Variants in PTPRD observed in about 807,000 individuals in gnomAD.
PTPRD encodes the protein receptor-type tyrosine-protein phosphatase delta.
In PTPRD, 34 loss-of-function variants were observed where a neutral mutation model predicts 214.5. That is an observed-to-expected ratio of 0.16 (90% CI 0.12 to 0.21). PTPRD has a LOEUF of 0.21. Among genes scored for constraint, PTPRD ranks in the 10% least tolerant of loss-of-function variants. PTPRD has a pLI of 1.00. For missense variants in PTPRD, 2,545 were observed against 2,398.7 expected (o/e 1.06, Z -1.27); for synonymous variants, 1,128 against 845.7 (o/e 1.33, Z -5.79).
At chr9:8,966,442 CAG>C (rs1486041650) in intron 11 of PTPRD, among the ~76,000 whole-genome samples, 1 of 150,250 alleles carries the variant, frequency 6.7e-6, no homozygotes, top group Non-Finnish European at 1.5e-5. Context: ...CAACAAAAAA[CAG>C]AAATAAAGTC....
At chr9:9,936,193 A>G (rs1263082073) in intron 5 of PTPRD, among the ~76,000 whole-genome samples, 13 of 148,404 alleles carry the variant, frequency 8.8e-5, no homozygotes, top group African/African-American at 3.3e-4. Flanking sequence ...CTAAAACACC[A>G]AAAGCAATGG....
At chr9:8,875,005 GGCTGT>G (rs563477069) in intron 11 of PTPRD, among the ~76,000 whole-genome samples, 6 of 152,178 alleles carry the variant, frequency 3.9e-5, no homozygotes, top group Admixed American at 2.6e-4. Flanking sequence ...AAAAATATAG[GGCTGT>G]GCTCATCAGT....
In PTPRD at chr9:9,824,442, G is replaced by T. The variant is rs12350529; in HGVS notation, c.-367-57591C>A. Among the ~76,000 whole-genome samples, 397 of 152,008 alleles carry T rather than the reference G, an allele frequency of 2.6e-3. 1 individual carries two copies. Among genetic ancestry groups the T allele is most frequent in the African/African-American group, 9.2e-3 (383 of 41,506 alleles). ...ATACCTACCATTCATACTACAATTTGCTTAATGCTTTGTGTGCTTTATTAC... is the reference window on the plus strand; with the variant it reads ...ATACCTACCATTCATACTACAATTTTCTTAATGCTTTGTGTGCTTTATTAC... On this transcript the variant is annotated intron_variant, in intron 5 of 45. Transcript: ENST00000381196.
intron 4 of PTPRD, among the ~76,000 whole-genome samples, chr9:10,014,877 C>T (rs1000777883): frequency 2.6e-5 from 4 of 152,068 alleles, no homozygotes; most frequent in African/African-American, 9.7e-5. Flanking sequence ...AAGAGACTTA[C>T]TGCCCCACTT....
intron 4 of PTPRD, among the ~76,000 whole-genome samples, chr9:9,940,621 A>C (rs2091191232): frequency 6.6e-6 from 1 of 152,186 alleles, no homozygotes; most frequent in South Asian, 2.1e-4. Flanking sequence ...CGCATAGCAT[A>C]CCTGGAGGCT....
At chr9:9,604,044 T>C (rs777029815) in intron 7 of PTPRD, among the ~76,000 whole-genome samples, 5 of 152,118 alleles carry the variant, frequency 3.3e-5, no homozygotes, top group Admixed American at 6.6e-5. Flanking sequence ...AAAAATTTTG[T>C]GGCATTAGTT....
chr9:8,580,103 G>A (rs2092910254), intron 14 of PTPRD, among the ~76,000 whole-genome samples: 2 of 152,126 alleles, frequency 1.3e-5, no homozygotes, highest in Admixed American at 6.6e-5. Context: ...TAACAAATGT[G>A]TCATGATAAT....
At chr9:8,816,383 CT>C (rs1340948591) in intron 11 of PTPRD, among the ~76,000 whole-genome samples, 1 of 152,168 alleles carries the variant, frequency 6.6e-6, no homozygotes, top group Admixed American at 6.5e-5. Flanking sequence ...GCCAAGCACT[CT>C]TTTGATTGTT....
intron 8 of PTPRD, among the ~76,000 whole-genome samples, chr9:9,413,162 C>A (rs938432974): frequency 2.5e-5 from 3 of 120,554 alleles, no homozygotes; most frequent in African/African-American, 9.8e-5. Flanking sequence ...GGCCGGACTG[C>A]GGACTGCAGT....
chr9:9,692,573 T>G (rs566913473), intron 7 of PTPRD, among the ~76,000 whole-genome samples: 1 of 152,212 alleles, frequency 6.6e-6, no homozygotes, highest in East Asian at 1.9e-4. Flanking sequence ...TTTCTTCAGT[T>G]TTGTTCTTTT....
At chr9:8,701,875 T>C (rs2154395773) in intron 12 of PTPRD, among the ~76,000 whole-genome samples, 1 of 152,308 alleles carries the variant, frequency 6.6e-6, no homozygotes, top group South Asian at 2.1e-4. Flanking sequence ...CCTATTTTCA[T>C]ACTTTATTGT....
intron 3 of PTPRD, among the ~76,000 whole-genome samples, chr9:10,246,695 C>G (rs886100651): frequency 1.3e-5 from 2 of 151,698 alleles, no homozygotes; most frequent in East Asian, 1.9e-4. Flanking sequence ...TAGTTTGTGC[C>G]TGGTACTCTT....
At chr9:9,012,642 C>T (rs1199440264) in intron 11 of PTPRD, among the ~76,000 whole-genome samples, 3 of 152,110 alleles carry the variant, frequency 2.0e-5, no homozygotes, top group Admixed American at 6.6e-5. Context: ...GAGAACAAAA[C>T]AGACTTTGAA....
At chr9:9,057,205 G>C (rs1029422751) in intron 10 of PTPRD, among the ~76,000 whole-genome samples, 1 of 152,080 alleles carries the variant, frequency 6.6e-6, no homozygotes, top group Non-Finnish European at 1.5e-5. Context: ...GTAAATCAAT[G>C]AACAAGTTAA....
intron 2 of PTPRD, among the ~76,000 whole-genome samples, chr9:10,392,159 G>A (rs1344008356): frequency 6.6e-6 from 1 of 151,680 alleles, no homozygotes; most frequent in Non-Finnish European, 1.5e-5. Context: ...ACTACATCTG[G>A]CCACAGCTGT....
At chr9:9,016,868 C>CA (rs1248183918) in intron 11 of PTPRD, among the ~76,000 whole-genome samples, 3 of 152,026 alleles carry the variant, frequency 2.0e-5, no homozygotes, top group Non-Finnish European at 2.9e-5. Flanking sequence ...GCAGTATTCT[C>CA]ATTTTAAACA....
intron 3 of PTPRD, among the ~76,000 whole-genome samples, chr9:10,122,446 C>T (rs189066393): frequency 1.3e-5 from 2 of 151,814 alleles, no homozygotes; most frequent in Admixed American, 6.6e-5. Flanking sequence ...AAAGGGCTAC[C>T]GTGGGAAAGT....
At chr9:9,836,335 G>C (rs1186611844) in intron 5 of PTPRD, among the ~76,000 whole-genome samples, 1 of 152,142 alleles carries the variant, frequency 6.6e-6, no homozygotes, top group Non-Finnish European at 1.5e-5. Flanking sequence ...TAAACAAGAC[G>C]ATCTGCTCAG....
intron 5 of PTPRD, among the ~76,000 whole-genome samples, chr9:9,792,776 G>T (rs1416548317): frequency 6.6e-6 from 1 of 152,074 alleles, no homozygotes; most frequent in Admixed American, 6.5e-5. Flanking sequence ...TGTTTATTAA[G>T]AGCAATCCAA....
Sources: allele counts gnomAD v4.1 joint callset (sites outside exome capture counted in the v4.1 genomes callset), GRCh38; gene constraint gnomAD v4.1.1; transcripts MANE v1.5; gene names NCBI Gene and HGNC (gene_info 2026-07-23, HGNC 2026-07-21).